Variants in TRIM33 observed in about 807,000 individuals in gnomAD.
TRIM33 encodes the protein tripartite motif containing 33, also known as E3 ubiquitin-protein ligase TRIM33.
Under a neutral mutation model 125.4 loss-of-function variants are expected in TRIM33, and 20 were observed. That is an observed-to-expected ratio of 0.16 (90% confidence interval 0.11 to 0.23). The LOEUF (loss-of-function observed/expected upper bound fraction) is 0.23. Among genes scored for constraint, TRIM33 ranks in the 10% least tolerant of loss-of-function variants. The probability of loss-of-function intolerance (pLI) is 1.00; values close to 1 mark genes in which losing one functional copy is unlikely to be tolerated. For synonymous variants in TRIM33, 564 were observed against 513.9 expected, an observed-to-expected ratio of 1.10 and a Z score of -1.32; for missense variants, 920 against 1,411.4, an observed-to-expected ratio of 0.65 and a Z score of 5.58.
In TRIM33 at chr1:114,502,410, A is replaced by G. The variant is rs560631857; in HGVS notation, c.526+8141T>C. The stretch of plus-strand genomic sequence containing the variant: ...TAGATGGGGTATGACCATCAAATGT[A>G]TAATAAAAATGGATGTTTTAAATAT... On this transcript the variant is annotated intron_variant, in intron 1 of 19. Transcript: ENST00000358465. Among the ~76,000 whole-genome samples the G allele has an allele frequency of 5.9e-5, 9 of 152,368 alleles. 1 individual carries two copies. The South Asian group carries it at 1.9e-3, about 32-fold the overall frequency.
At chr1:114,454,782 G>A (rs1649528253) in intron 4 of TRIM33, among the ~76,000 whole-genome samples, 1 of 152,020 alleles carries the variant, frequency 6.6e-6, no homozygotes, top group South Asian at 2.1e-4. Context: ...ACTGGGCCAA[G>A]CTCAGACTTC....
intron 11 of TRIM33, among the ~76,000 whole-genome samples, chr1:114,419,948 T>G (rs985583169): frequency 9.2e-5 from 14 of 152,164 alleles, no homozygotes; most frequent in African/African-American, 3.4e-4. Context: ...ATAAGCCCAT[T>G]AAAACCCACT....
At chr1:114,439,866 G>A (rs140618057) in intron 4 of TRIM33, among the ~76,000 whole-genome samples, 14 of 152,288 alleles carry the variant, frequency 9.2e-5, no homozygotes, top group Non-Finnish European at 1.8e-4. Context: ...GAAACAATGA[G>A]AGTGGAGCAA....
intron 4 of TRIM33, among the ~76,000 whole-genome samples, chr1:114,457,906 T>G (rs1181542064): frequency 1.3e-5 from 2 of 152,224 alleles, no homozygotes; most frequent in African/African-American, 2.4e-5. Context: ...TGTGGACTGT[T>G]TCGTAACTTT....
chr1:114,457,528 C>T (rs898189264), intron 4 of TRIM33, among the ~76,000 whole-genome samples: 2 of 152,140 alleles, frequency 1.3e-5, no homozygotes, highest in Non-Finnish European at 2.9e-5. Flanking sequence ...ATAAGGAAGG[C>T]AGTGTCCAGA....
At chr1:114,411,373 C>A (rs1448728976) in intron 11 of TRIM33, among the ~76,000 whole-genome samples, 1 of 152,104 alleles carries the variant, frequency 6.6e-6, no homozygotes, top group Non-Finnish European at 1.5e-5. Flanking sequence ...TAGGAGTAGG[C>A]AGTAGGTTAG....
chr1:114,455,771 C>A (rs1447274985), intron 4 of TRIM33, among the ~76,000 whole-genome samples: 1 of 152,014 alleles, frequency 6.6e-6, no homozygotes, highest in Non-Finnish European at 1.5e-5. Context: ...TGTATTTTAC[C>A]CCAGTTTGGG....
rs74474217 is a variant in TRIM33, at chr1:114,500,004, T to C, written c.526+10547A>G. Among the ~76,000 whole-genome samples, 54 of 152,176 alleles carry C rather than the reference T, an allele frequency of 3.5e-4. No homozygotes were observed. In the East Asian group the frequency reaches 6.8e-3, roughly 19 times the overall value. Reference sequence around the variant, plus strand: ...CAACATGGTGAAATCCTGTCTCTACTAAAAATTCAAAAATGAGCCAGACAT... The same window carrying C: ...CAACATGGTGAAATCCTGTCTCTACCAAAAATTCAAAAATGAGCCAGACAT... On this transcript the variant is annotated intron_variant, in intron 1 of 19. Coordinates refer to ENST00000358465, the MANE Select transcript of TRIM33 (RefSeq NM_015906.4).
intron 4 of TRIM33, among the ~76,000 whole-genome samples, chr1:114,445,751 A>G (rs1007571233): frequency 4.6e-5 from 7 of 152,218 alleles, no homozygotes; most frequent in African/African-American, 1.7e-4. Context: ...CATCCAAAAC[A>G]ATGGAAGCCA....
intron 1 of TRIM33, among the ~76,000 whole-genome samples, chr1:114,465,530 G>C (rs1206144469): frequency 6.6e-6 from 1 of 152,230 alleles, no homozygotes; most frequent in Non-Finnish European, 1.5e-5. Flanking sequence ...TCTAAAAGAA[G>C]GGTGAGGTGG....
intron 4 of TRIM33, among the ~76,000 whole-genome samples, chr1:114,448,144 C>A (rs569016648): frequency 6.6e-6 from 1 of 152,132 alleles, no homozygotes; most frequent in Non-Finnish European, 1.5e-5. Flanking sequence ...GAAAGAAGGG[C>A]AAATTTCTGA....
At chr1:114,498,058 C>T (rs114690511) in intron 1 of TRIM33, among the ~76,000 whole-genome samples, 3,800 of 143,232 alleles carry the variant, frequency 0.027, 82 homozygotes, top group Non-Finnish European at 0.034. Context: ...AATCCAAGAG[C>T]GGAGGTTGCA....
At chr1:114,466,059 A>C (rs1341910758) in intron 1 of TRIM33, among the ~76,000 whole-genome samples, 1 of 152,102 alleles carries the variant, frequency 6.6e-6, no homozygotes, top group Non-Finnish European at 1.5e-5. Flanking sequence ...AAATAAATAA[A>C]TAAAAAGATC....
rs1446167587 is a variant in TRIM33 at position 114,393,636 on chromosome 1, ATGCT to A, written c.*4008_*4011del. 1 of 213,832 alleles carries A rather than the reference ATGCT, an allele frequency of 4.7e-6. No individual in the cohort carries two copies. The highest frequency in any genetic ancestry group is 9.5e-6 in the Non-Finnish European group (1 of 105,558). 13.2% of individuals were successfully genotyped at this position (213,832 alleles called of 1,614,324 possible). ...AACACAAGGAACTAAGATGAAAGAA[ATGCT>A]ATACATGCATTTTGACCAAGTAAAA... On this transcript the variant is annotated 3_prime_UTR_variant, in exon 20 of 20. Coordinates refer to ENST00000358465, the MANE Select transcript of TRIM33 (RefSeq NM_015906.4).
At chr1:114,420,752 C>T (rs1370855493) in intron 11 of TRIM33, among the ~76,000 whole-genome samples, 1 of 152,182 alleles carries the variant, frequency 6.6e-6, no homozygotes, top group Non-Finnish European at 1.5e-5. Context: ...ACATATCTAA[C>T]TCCACTAACT....
intron 11 of TRIM33, among the ~76,000 whole-genome samples, chr1:114,419,197 T>C (rs1653119126): frequency 1.3e-5 from 1 of 79,682 alleles, no homozygotes; most frequent in Non-Finnish European, 2.2e-5. Flanking sequence ...CTAGACACCA[T>C]CTCAAAAAAA....
At chr1:114,495,892 C>T (rs1020850109) in intron 1 of TRIM33, among the ~76,000 whole-genome samples, 7 of 152,160 alleles carry the variant, frequency 4.6e-5, no homozygotes, top group African/African-American at 1.7e-4. Context: ...AAATTTATTA[C>T]TAATTTATTA....
At chr1:114,468,875 G>T in intron 1 of TRIM33, 1 of 240,658 alleles carries the variant, frequency 4.2e-6, no homozygotes, top group South Asian at 5.4e-5. Context: ...CGAGGGAAAA[G>T]AATCCAGATG....
chr1:114,443,089 T>A, intron 4 of TRIM33, among the ~76,000 whole-genome samples: 1 of 150,408 alleles, frequency 6.6e-6, no homozygotes. Flanking sequence ...TTTTTTTAAA[T>A]AATGGAGATG....
Sources: gnomAD v4.1 joint callset for allele counts (sites outside exome capture counted in the v4.1 genomes callset) on GRCh38, gnomAD v4.1.1 for gene constraint, MANE v1.5 for transcripts, NCBI Gene and HGNC (gene_info 2026-07-23, HGNC 2026-07-21) for gene names.